ADGRD1: variants seen among roughly 807,000 people sequenced by gnomAD.
ADGRD1 encodes G-protein coupled receptor 133.
In ADGRD1, 77 loss-of-function variants were observed where a neutral mutation model predicts 113.4. The ratio of observed to expected loss-of-function variants is 0.68; its 90% CI spans 0.57 to 0.82. The LOEUF (loss-of-function observed/expected upper bound fraction) is 0.82, where lower values mean the gene tolerates loss of function less well. Ranked by LOEUF, ADGRD1 falls within the 40% of genes least tolerant of loss-of-function variation. The pLI is 0.00. For missense variants in ADGRD1, 1,036 were observed against 1,139.1 expected (o/e 0.91, Z 1.30); for synonymous variants, 474 against 475.0 (o/e 1.00, Z 0.03).
At chr12:130,961,183 G>A (rs989660366) in intron 2 of ADGRD1, among the ~76,000 whole-genome samples, 5 of 152,182 alleles carry the variant, frequency 3.3e-5, no homozygotes, top group Non-Finnish European at 7.3e-5. Flanking sequence ...AGGGAAGGAA[G>A]AAGAATAGGG....
chr12:131,122,299 G>A (rs1227734580), intron 20 of ADGRD1, among the ~76,000 whole-genome samples: 2 of 152,128 alleles, frequency 1.3e-5, no homozygotes, highest in Admixed American at 1.3e-4. Flanking sequence ...CCCTCACAGC[G>A]TCTACAGAGC....
intron 18 of ADGRD1, among the ~76,000 whole-genome samples, chr12:131,112,637 G>C (rs987292025): frequency 5.9e-5 from 9 of 152,164 alleles, no homozygotes; most frequent in Non-Finnish European, 2.9e-5. Flanking sequence ...AGTTCCCATG[G>C]GGAGCACTTT....
intron 8 of ADGRD1, among the ~76,000 whole-genome samples, chr12:130,997,106 TC>T (rs1875580251): frequency 8.9e-6 from 1 of 112,732 alleles, no homozygotes; most frequent in Non-Finnish European, 1.8e-5. Context: ...ACCCCTCACC[TC>T]CTGGACGGGG....
intron 9 of ADGRD1, 94 bp downstream of exon 9, chr12:131,000,536 G>GT: frequency 1.1e-6 from 1 of 914,192 alleles, no homozygotes; most frequent in Non-Finnish European, 1.8e-6. Flanking sequence ...GAGGTCAGGA[G>GT]TCAAGACCAG....
At chr12:131,137,687 T>C in intron 23 of ADGRD1, 1 of 251,486 alleles carries the variant, frequency 4.0e-6, no homozygotes, top group South Asian at 5.4e-5. Context: ...CTGAGCAGGA[T>C]GGTGGCCGGG....
chr12:130,957,040 T>C (rs1041416465), intron 2 of ADGRD1: 32 of 152,246 alleles, frequency 2.1e-4, no homozygotes, highest in African/African-American at 7.7e-4. Flanking sequence ...CACACCTGCA[T>C]GCATCAACAT....
At chr12:131,122,361 G>A (rs955334490) in intron 20 of ADGRD1, among the ~76,000 whole-genome samples, 10 of 152,172 alleles carry the variant, frequency 6.6e-5, no homozygotes, top group Non-Finnish European at 1.5e-4. Context: ...CTGCAGAGGG[G>A]ACGCCTTTGG....
chr12:131,064,024 A>G (rs558662859), intron 13 of ADGRD1, among the ~76,000 whole-genome samples: 2 of 152,340 alleles, frequency 1.3e-5, no homozygotes, highest in East Asian at 3.8e-4. Flanking sequence ...ATTTACACCT[A>G]AATGTACATT....
intron 13 of ADGRD1, among the ~76,000 whole-genome samples, chr12:131,043,329 G>A (rs561052296): frequency 6.6e-6 from 1 of 152,194 alleles, no homozygotes; most frequent in Non-Finnish European, 1.5e-5. Flanking sequence ...TGTGAGTCCA[G>A]ACCTGCCACT....
intron 10 of ADGRD1, 22 bp from the exon 11 acceptor site, chr12:131,004,164 T>C (rs907085952): frequency 6.7e-7 from 1 of 1,496,320 alleles, no homozygotes; most frequent in Non-Finnish European, 9.3e-7. Flanking sequence ...GGACTTCCGC[T>C]CTCTCGCTCC....
intron 2 of ADGRD1, among the ~76,000 whole-genome samples, chr12:130,959,001 G>GT (rs1870033026): frequency 6.6e-6 from 1 of 152,206 alleles, no homozygotes. Flanking sequence ...AGCTCACAGC[G>GT]TGAGGGGAAT....
Position 131,084,727 on chromosome 12 carries a change from C to G in ADGRD1, c.1671+64C>G, listed in dbSNP as rs1055907503. On this transcript the variant is annotated intron_variant, in intron 15 of 24. Transcript: ENST00000261654. The surrounding 1 kb of genome is among the most constrained non-coding windows in gnomAD (Gnocchi z 4.5). Reference sequence around the variant, plus strand: ...CGTACCATGAGGCTGCAGGTGGGGGCGGGAGGATGCTTTGCCCGCCAGTGC... The same window carrying G: ...CGTACCATGAGGCTGCAGGTGGGGGGGGGAGGATGCTTTGCCCGCCAGTGC... 5.1e-5 allele frequency: 79 copies of G among 1,557,908 alleles called. No homozygotes were observed. Among genetic ancestry groups the G allele is most frequent in the Non-Finnish European group, 5.5e-5 (63 of 1,144,900 alleles).
chr12:130,993,483 A>C (rs1874710697), intron 8 of ADGRD1, among the ~76,000 whole-genome samples: 1 of 151,140 alleles, frequency 6.6e-6, no homozygotes, highest in African/African-American at 2.4e-5. Context: ...CTCAGGGTTG[A>C]GGGAGTGATG....
At chr12:130,976,200 C>A (rs931619352) in intron 4 of ADGRD1, among the ~76,000 whole-genome samples, 3 of 139,322 alleles carry the variant, frequency 2.2e-5, no homozygotes, top group Non-Finnish European at 4.7e-5. Flanking sequence ...GCCTGGGGGA[C>A]ACGGGCCTGG....
At chr12:131,032,684 A>C (rs1880911926) in intron 13 of ADGRD1, among the ~76,000 whole-genome samples, 1 of 148,518 alleles carries the variant, frequency 6.7e-6, no homozygotes, top group African/African-American at 2.6e-5. Flanking sequence ...CACAGAGATG[A>C]CATTTATTAG....
chr12:130,996,680 A>C (rs867975380), intron 8 of ADGRD1, among the ~76,000 whole-genome samples: 3 of 55,520 alleles, frequency 5.4e-5, no homozygotes, highest in East Asian at 5.1e-4. Context: ...CCTCCCTCCC[A>C]GACGGGGCGG....
chr12:131,094,579 A>C (rs1313497392), intron 15 of ADGRD1, among the ~76,000 whole-genome samples: 2 of 132,376 alleles, frequency 1.5e-5, no homozygotes, highest in Non-Finnish European at 3.3e-5. Flanking sequence ...TTTGTTCAGC[A>C]GCGCCCCCCC....
intron 15 of ADGRD1, among the ~76,000 whole-genome samples, chr12:131,091,364 A>G (rs1317659692): frequency 1.3e-5 from 2 of 152,246 alleles, no homozygotes; most frequent in Non-Finnish European, 2.9e-5. Context: ...ATGAATAAAC[A>G]TAACACTAAT....
chr12:131,117,566 C>A (rs1347371445), intron 18 of ADGRD1, among the ~76,000 whole-genome samples: 2 of 152,116 alleles, frequency 1.3e-5, no homozygotes, highest in African/African-American at 4.8e-5. Context: ...CGAAGAAAGC[C>A]CTTGATTGAG....
Sources: gnomAD v4.1 joint callset for allele counts (sites outside exome capture counted in the v4.1 genomes callset) on GRCh38, gnomAD v4.1.1 for gene constraint, Gnocchi (gnomAD v3.1) non-coding constraint, MANE v1.5 for transcripts, NCBI Gene and HGNC (gene_info 2026-07-23, HGNC 2026-07-21) for gene names.